NKAIN3: variants seen among roughly 807,000 people sequenced by gnomAD.
NKAIN3 encodes the protein sodium/potassium-transporting ATPase subunit beta-1-interacting protein 3.
NKAIN3 carries 25 observed loss-of-function variants against 30.2 expected under a neutral mutation model. That is an observed-to-expected ratio of 0.83 (90% CI 0.60 to 1.16). The LOEUF (loss-of-function observed/expected upper bound fraction) is 1.16, where lower values mean the gene tolerates loss of function less well. Ranked by LOEUF, NKAIN3 falls within the 50% of genes most tolerant of loss-of-function variation. The pLI, the probability that NKAIN3 is intolerant of heterozygous loss-of-function variation, is 0.00. For missense variants in NKAIN3, 225 were observed against 254.1 expected (o/e 0.89, Z 0.78); for synonymous variants, 91 against 89.6 (o/e 1.02, Z -0.09).
At chr8:62,866,793 T>TAG in intron 4 of NKAIN3, among the ~76,000 whole-genome samples, 1 of 151,176 alleles carries the variant, frequency 6.6e-6, no homozygotes, top group Middle Eastern at 3.4e-3. Flanking sequence ...ACGCCTCTAA[T>TAG]CCCAGCACTT....
intron 4 of NKAIN3, among the ~76,000 whole-genome samples, chr8:62,868,189 A>G (rs919089014): frequency 7.9e-5 from 12 of 152,226 alleles, no homozygotes; most frequent in African/African-American, 2.9e-4. Flanking sequence ...AAGAAGTCAA[A>G]TTATGAACAC....
intron 1 of NKAIN3, among the ~76,000 whole-genome samples, chr8:62,555,537 AAAAAT>A (rs1270768470): frequency 1.3e-5 from 2 of 152,118 alleles, no homozygotes; most frequent in Admixed American, 6.6e-5. Flanking sequence ...AGTAGTACAG[AAAAAT>A]AAGATTTAGA....
chr8:62,852,239 G>A (rs7000076), intron 4 of NKAIN3, among the ~76,000 whole-genome samples: 4,056 of 152,266 alleles, frequency 0.027, 179 homozygotes, highest in African/African-American at 0.092. Flanking sequence ...TAGTTTATTT[G>A]TGTAGAGGTG....
intron 1 of NKAIN3, among the ~76,000 whole-genome samples, chr8:62,396,870 A>G (rs539218088): frequency 1.3e-5 from 2 of 152,222 alleles, no homozygotes; most frequent in Non-Finnish European, 2.9e-5. Flanking sequence ...TATTTGTTAT[A>G]CCAAGTGATT....
intron 1 of NKAIN3, among the ~76,000 whole-genome samples, chr8:62,418,751 T>C (rs1243409846): frequency 6.6e-6 from 1 of 152,178 alleles, no homozygotes; most frequent in African/African-American, 2.4e-5. Flanking sequence ...TTGAATCCCT[T>C]GAGTATTATT....
chr8:62,272,822 G>T (rs991701545), intron 1 of NKAIN3, among the ~76,000 whole-genome samples: 6 of 152,116 alleles, frequency 3.9e-5, no homozygotes, highest in African/African-American at 1.4e-4. Context: ...CCTTAGTTCT[G>T]CAAACTAAGA....
At chr8:62,675,649 ATTG>A (rs946449623) in intron 3 of NKAIN3, among the ~76,000 whole-genome samples, 48 of 152,238 alleles carry the variant, frequency 3.2e-4, no homozygotes, top group African/African-American at 1.1e-3. Context: ...ACCAGCAGCT[ATTG>A]TTCCCCTCTC....
chr8:62,965,228 C>T (rs2130908812), intron 6 of NKAIN3, 126 bp from the exon 7 acceptor site: 1 of 868,036 alleles, frequency 1.2e-6, no homozygotes, highest in Non-Finnish European at 1.4e-6. Context: ...TTTCTTATTG[C>T]TACAGTCAGA....
chr8:62,611,908 A>G (rs936419812), intron 3 of NKAIN3, among the ~76,000 whole-genome samples: 2 of 152,096 alleles, frequency 1.3e-5, no homozygotes, highest in African/African-American at 2.4e-5. Flanking sequence ...TCCCACCAAC[A>G]GCATATGAGG....
At chr8:62,517,900 A>G (rs1366157510) in intron 1 of NKAIN3, among the ~76,000 whole-genome samples, 2 of 151,708 alleles carry the variant, frequency 1.3e-5, no homozygotes, top group Non-Finnish European at 2.9e-5. Context: ...ATCTATATCT[A>G]ACTAGAGCTA....
chr8:62,344,873 A>G, intron 1 of NKAIN3: 1 of 439,776 alleles, frequency 2.3e-6, no homozygotes, highest in Non-Finnish European at 4.5e-6. Flanking sequence ...TAGGGATTGC[A>G]TTAAATTGTT....
intron 1 of NKAIN3, among the ~76,000 whole-genome samples, chr8:62,489,681 A>T (rs1051430618): frequency 6.6e-6 from 1 of 152,248 alleles, no homozygotes; most frequent in Non-Finnish European, 1.5e-5. Flanking sequence ...AACAAGTATC[A>T]ATGAGGAAAT....
intron 1 of NKAIN3, among the ~76,000 whole-genome samples, chr8:62,335,752 C>T (rs549079929): frequency 2.0e-5 from 3 of 152,146 alleles, no homozygotes; most frequent in Admixed American, 6.6e-5. Flanking sequence ...TTCCTGGAAA[C>T]TATTGCCCTG....
chr8:62,687,692 A>G (rs1813841756), intron 3 of NKAIN3, among the ~76,000 whole-genome samples: 1 of 152,198 alleles, frequency 6.6e-6, no homozygotes, highest in Admixed American at 6.5e-5. Context: ...TTAATTTTCC[A>G]TATTTCATTC....
At chr8:62,676,235 A>G (rs1279223819) in intron 3 of NKAIN3, among the ~76,000 whole-genome samples, 2 of 152,218 alleles carry the variant, frequency 1.3e-5, no homozygotes, top group East Asian at 1.9e-4. Context: ...GTCTGACTCC[A>G]AAGAACACAC....
chr8:62,929,814 T>G (rs967555829), intron 5 of NKAIN3, among the ~76,000 whole-genome samples: 1 of 152,196 alleles, frequency 6.6e-6, no homozygotes, highest in Non-Finnish European at 1.5e-5. Flanking sequence ...AACACAAATT[T>G]GTAAACTTTC....
At chr8:62,927,036 T>C (rs915965253) in intron 5 of NKAIN3, among the ~76,000 whole-genome samples, 4 of 152,132 alleles carry the variant, frequency 2.6e-5, no homozygotes, top group African/African-American at 9.7e-5. Context: ...AAAATAGAAA[T>C]CACCCTTGAC....
chr8:62,339,578 G>T (rs561995565), intron 1 of NKAIN3, among the ~76,000 whole-genome samples: 1 of 152,076 alleles, frequency 6.6e-6, no homozygotes, highest in East Asian at 1.9e-4. Context: ...AATTAAAAAG[G>T]CAAGGGTTCT....
In NKAIN3 at chr8:62,837,234, T is replaced by C. The variant is rs184923125; in HGVS notation, c.472-81219T>C. ...TAAGATGTTTGAAGTTGATTGATTC[T>C]ATGTATCTTCATAGATAGGGAAGGT... On this transcript the variant is annotated intron_variant, in intron 4 of 6. Transcript: ENST00000623646. Among the ~76,000 whole-genome samples the C allele has an allele frequency of 2.6e-4, 40 of 152,316 alleles. No individual in the cohort carries two copies. The East Asian group carries it at 6.9e-3, about 26-fold the overall frequency.
Sources: allele counts gnomAD v4.1 joint callset (sites outside exome capture counted in the v4.1 genomes callset), GRCh38; gene constraint gnomAD v4.1.1; transcripts MANE v1.5; gene names NCBI Gene and HGNC (gene_info 2026-07-23, HGNC 2026-07-21).